AXDND1: variants seen among roughly 807,000 people sequenced by gnomAD.
AXDND1 encodes axonemal dynein light chain domain-containing protein 1.
In AXDND1, 110 loss-of-function variants were observed where a neutral mutation model predicts 137.5. That is an observed-to-expected ratio of 0.80 (90% CI 0.69 to 0.94). The LOEUF (loss-of-function observed/expected upper bound fraction) is 0.94, where lower values mean the gene tolerates loss of function less well. AXDND1 is among the 40% of genes least tolerant of loss of function. AXDND1 has a pLI of 0.00. For synonymous variants in AXDND1, 414 were observed against 399.7 expected (o/e 1.04, Z -0.43); for missense variants, 1,191 against 1,169.8 (o/e 1.02, Z -0.26).
chr1:179,394,008 G>T lies in AXDND1; in HGVS notation c.969G>T (p.Leu323Phe), dbSNP rs77282993. 5.4e-3 allele frequency: 8,653 copies of T among 1,609,010 alleles called. 258 individuals carry two copies. The Admixed American group carries it at 0.071, about 13-fold the overall frequency. ...TGGACCAGCGCATTTTAGAAGAATTGTATAATTTCAAGCATGTTATTGAAG... is the reference window on the plus strand; with the variant it reads ...TGGACCAGCGCATTTTAGAAGAATTTTATAATTTCAAGCATGTTATTGAAG... The part of the protein sequence containing the change: ...RVMDQRILEE[L>F]YNFKHVIEEL... The change falls in exon 10 of 26, where the codon TTG (leucine) becomes TTT (phenylalanine). Residue 323 changes from leucine to phenylalanine, a missense_variant. Coordinates refer to ENST00000367618, the MANE Select transcript of AXDND1 (RefSeq NM_144696.6).
intron 25 of AXDND1, chr1:179,550,554 T>G (rs1673106931): frequency 6.6e-6 from 1 of 152,484 alleles, no homozygotes; most frequent in South Asian, 2.1e-4. Flanking sequence ...TTTAAATGCT[T>G]TAATTAGGGA....
chr1:179,509,386 G>C lies in AXDND1; in HGVS notation c.2479G>C (p.Glu827Gln). Residue 827 changes from glutamate to glutamine, a missense_variant, in exon 21 of 26, where the codon GAG becomes CAG. By Grantham distance (29) the Glu-to-Gln change is conservative. Transcript: ENST00000367618. ...KITLLTYEEI[E>Q]RLLEEEAVKE... ...TACATTATTGACATATGAAGAAATA[G>C]AGCGGCTACTTGAAGAGGTATTTGC... 6.2e-7 allele frequency: 1 copy of C among 1,607,372 alleles called. No homozygotes were observed. The highest frequency in any genetic ancestry group is 8.5e-7 in the Non-Finnish European group (1 of 1,174,430).
intron 19 of AXDND1, 82 bp downstream of exon 19, chr1:179,491,819 T>C (rs1666932981): frequency 3.3e-6 from 4 of 1,213,386 alleles, no homozygotes; most frequent in Non-Finnish European, 3.4e-6. Context: ...GTAGTAGCAA[T>C]AGGAGTTATT....
At chr1:179,368,504 G>A (rs1667697693) in intron 2 of AXDND1, among the ~76,000 whole-genome samples, 1 of 152,182 alleles carries the variant, frequency 6.6e-6, no homozygotes, top group Non-Finnish European at 1.5e-5. Flanking sequence ...AGTTACCTGA[G>A]CAAGTGAAAT....
intron 15 of AXDND1, among the ~76,000 whole-genome samples, chr1:179,439,531 C>T (rs142803885): frequency 7.2e-5 from 11 of 152,254 alleles, no homozygotes; most frequent in African/African-American, 2.4e-4. Context: ...AAGTTTAGGT[C>T]GTACTGCTGG....
chr1:179,551,598 A>G, intron 25 of AXDND1: 3 of 900,492 alleles, frequency 3.3e-6, no homozygotes. Flanking sequence ...CTTCTTTCTG[A>G]AGGGTCTTGA....
intron 21 of AXDND1, among the ~76,000 whole-genome samples, chr1:179,520,943 TTTTAA>T (rs57765102): frequency 0.88 from 128,280 of 146,352 alleles, 56,401 homozygotes; most frequent in East Asian, 0.96. Context: ...AATTTCTGTA[TTTTAA>T]TTTAATTTAA....
intron 11 of AXDND1, among the ~76,000 whole-genome samples, chr1:179,410,517 T>G (rs1653709083): frequency 6.6e-6 from 1 of 152,180 alleles, no homozygotes; most frequent in Non-Finnish European, 1.5e-5. Context: ...CGTGAGCCAC[T>G]GCGCCCAGCC....
chr1:179,383,399 G>T (rs112360080), intron 7 of AXDND1, 43 bp from the exon 8 acceptor site: 1 of 1,400,682 alleles, frequency 7.1e-7, no homozygotes, highest in Non-Finnish European at 1.0e-6. Flanking sequence ...AGAATTCCCT[G>T]TTGCAATGTT....
rs1414150401 is a variant in AXDND1, at chr1:179,489,139, T to C, written c.2092-2399T>C. 1.6e-5 allele frequency among the ~76,000 whole-genome samples: 2 copies of C among 125,718 alleles called. 1 individual carries two copies. Among genetic ancestry groups the C allele is most frequent in the African/African-American group, 7.1e-5 (2 of 28,260 alleles). 82.5% of individuals were successfully genotyped at this position (125,718 alleles called of 152,430 possible). A position where few individuals can be genotyped will look rare whatever the true frequency, so the allele number is the denominator to read the frequency against. Reference sequence around the variant, plus strand: ...CTTTTCACAAAAGAAAAGCAGTCAATTCATCTTAAAATGTCTTTTAAGAAT... The same window carrying C: ...CTTTTCACAAAAGAAAAGCAGTCAACTCATCTTAAAATGTCTTTTAAGAAT... On this transcript the variant is annotated intron_variant, in intron 18 of 25. Transcript: ENST00000367618.
At chr1:179,379,319 G>A in intron 5 of AXDND1, 78 bp from the exon 6 acceptor site, 1 of 1,443,798 alleles carries the variant, frequency 6.9e-7, no homozygotes, top group Non-Finnish European at 9.4e-7. Flanking sequence ...CTTTAGGTTA[G>A]GAATTAGGAT....
chr1:179,395,686 A>G (rs1328132866), intron 11 of AXDND1, among the ~76,000 whole-genome samples: 2 of 152,212 alleles, frequency 1.3e-5, no homozygotes, highest in Non-Finnish European at 2.9e-5. Context: ...AGTCAGTGCT[A>G]TGACAATATG....
At chr1:179,392,218 A>G (rs894805691) in intron 9 of AXDND1, among the ~76,000 whole-genome samples, 1 of 152,242 alleles carries the variant, frequency 6.6e-6, no homozygotes, top group African/African-American at 2.4e-5. Flanking sequence ...AAGTGAGAAC[A>G]TACAATATTT....
intron 21 of AXDND1, among the ~76,000 whole-genome samples, chr1:179,517,474 C>T (rs183384779): frequency 3.9e-5 from 6 of 152,352 alleles, no homozygotes; most frequent in East Asian, 1.9e-4. Context: ...GGAGGCACCT[C>T]GCCCGATTCA....
chr1:179,505,364 G>C (rs963090903), intron 20 of AXDND1, among the ~76,000 whole-genome samples: 12 of 152,142 alleles, frequency 7.9e-5, no homozygotes, highest in Non-Finnish European at 1.2e-4. Context: ...TCAGAACTGA[G>C]GATCTTGGCC....
intron 15 of AXDND1, among the ~76,000 whole-genome samples, chr1:179,439,883 T>G (rs4366280): frequency 0.29 from 44,264 of 151,898 alleles, 6,618 homozygotes; most frequent in Non-Finnish European, 0.31. Context: ...CCACATGGTT[T>G]CTCCATCTCC....
At chr1:179,460,107 T>C (rs147110120) in intron 16 of AXDND1, among the ~76,000 whole-genome samples, 9,488 of 151,824 alleles carry the variant, frequency 0.062, 350 homozygotes, top group African/African-American at 0.07. Context: ...GTTTGTTACA[T>C]GTGTATACAT....
At chr1:179,442,709 G>A (rs1014065850) in intron 15 of AXDND1, among the ~76,000 whole-genome samples, 3 of 152,062 alleles carry the variant, frequency 2.0e-5, no homozygotes, top group East Asian at 3.8e-4. Flanking sequence ...ATCCGCTGCC[G>A]GCAGACTCAT....
chr1:179,396,711 G>A (rs12753310), intron 11 of AXDND1, among the ~76,000 whole-genome samples: 44,407 of 151,508 alleles, frequency 0.29, 6,695 homozygotes, highest in Non-Finnish European at 0.31. Context: ...AGATCTTCTC[G>A]TTATGATGCA....
Sources: gnomAD v4.1 joint callset for allele counts (sites outside exome capture counted in the v4.1 genomes callset) on GRCh38, gnomAD v4.1.1 for gene constraint, MANE v1.5 for transcripts, NCBI Gene and HGNC (gene_info 2026-07-23, HGNC 2026-07-21) for gene names.